The following CYP4A22 variants were observed in gnomAD, a reference collection of about 807,000 sequenced individuals.
CYP4A22 encodes cytochrome P450 family 4 subfamily A member 22.
In CYP4A22, 46 loss-of-function variants were observed where a neutral mutation model predicts 56.2. The observed-to-expected ratio is 0.82, with a 90% CI of 0.65 to 1.05. The LOEUF (loss-of-function observed/expected upper bound fraction) is 1.05. Ranked by LOEUF, CYP4A22 falls within the 50% of genes least tolerant of loss-of-function variation. The probability of loss-of-function intolerance (pLI) is 0.00; values close to 1 mark genes in which losing one functional copy is unlikely to be tolerated. For synonymous variants in CYP4A22, 193 were observed against 251.1 expected, an observed-to-expected ratio of 0.77 and a Z score of 2.19; for missense variants, 541 against 645.9, an observed-to-expected ratio of 0.84 and a Z score of 1.76.
At chr1:47,138,707 T>C (rs1161657372) in intron 1 of CYP4A22, among the ~76,000 whole-genome samples, 1 of 152,202 alleles carries the variant, frequency 6.6e-6, no homozygotes, top group Non-Finnish European at 1.5e-5. Context: ...TTTCTTCCAA[T>C]GTGGCCTAGG....
chr1:47,143,183 A>G, intron 4 of CYP4A22, 86 bp from the exon 5 acceptor site: 2 of 1,542,822 alleles, frequency 1.3e-6, no homozygotes, highest in Admixed American at 1.9e-5. Flanking sequence ...AAAAAACAAG[A>G]TATCTGCAGG....
Position 47,143,308 on chromosome 1 carries a change from G to A in CYP4A22, c.550G>A (p.Glu184Lys), listed in dbSNP as rs780889935. Residue 184 changes from glutamate (E) to lysine (K), a missense_variant, in exon 5 of 12, where the codon GAG (glutamate) becomes AAG (lysine). Physicochemically the swap from Glu to Lys is moderately conservative, Grantham distance 56 (BLOSUM62 1). Around this residue, in one of 3 missense-constraint regions of CYP4A22, gnomAD observed 335 missense variants for 361.2 expected, o/e 0.93. Transcript: ENST00000371891. ...EELLGQDSPL[E>K]VFQHVSLMTL... ...GCTCCTTGGCCAGGATTCCCCTCTG[G>A]AGGTCTTTCAGCACGTCTCCTTGAT... The A allele has an allele frequency of 1.9e-6, 3 of 1,613,864 alleles. No homozygotes were observed. In the East Asian group the frequency reaches 6.7e-5, roughly 36 times the overall value.
intron 6 of CYP4A22, 50 bp from the exon 7 acceptor site, chr1:47,144,307 G>A (rs1474960273): frequency 4.4e-6 from 7 of 1,593,924 alleles, no homozygotes; most frequent in Middle Eastern, 1.7e-4. Flanking sequence ...AGGCCTCCTG[G>A]GGGCTGCTGA....
At position 47,148,846 on chromosome 1, in the gene CYP4A22, G is replaced by A; in HGVS notation, c.*49G>A. On this transcript the variant is annotated 3_prime_UTR_variant, in exon 12 of 12. Transcript: ENST00000371891. ...TTCCTGACCCCCACTCCTATCTCCT[G>A]CCTGTCTGCCTCTGTCCTGCTTTCT... The A allele has an allele frequency of 6.5e-7, 1 of 1,548,854 alleles. No individual in the cohort carries two copies. The highest frequency in any genetic ancestry group is 1.3e-5 in the South Asian group (1 of 79,788).
chr1:47,140,911 G>A lies in CYP4A22; in HGVS notation c.327G>A (p.Leu109=). ...ACCCTGACTATATGAAGGTGATTCT[G>A]GGGAGATCAGGTGAGATCGAACCCC... The part of the protein sequence containing the change: ...LYDPDYMKVI[L]GRSDPKSHGS... Residue 109 remains leucine, a synonymous_variant, in exon 2 of 12, where the codon CTG becomes CTA. Transcript: ENST00000371891. 6.2e-7 allele frequency: 1 copy of A among 1,613,922 alleles called. No homozygotes were observed. The highest frequency in any genetic ancestry group is 8.5e-7 in the Non-Finnish European group (1 of 1,179,960).
chr1:47,145,018 TGGAG>T, intron 9 of CYP4A22, 48 bp downstream of exon 9: 4 of 1,606,630 alleles, frequency 2.5e-6, no homozygotes, highest in Non-Finnish European at 3.4e-6. Flanking sequence ...CGGGGACGTG[TGGAG>T]GGTGAGAAAT....
At position 47,144,930 on chromosome 1, in the gene CYP4A22, C is replaced by G. The variant is rs758456855; in HGVS notation, c.1182C>G (p.Ser394Arg). 6.2e-7 allele frequency: 1 copy of G among 1,614,186 alleles called. No individual in the cohort carries two copies. Among genetic ancestry groups the G allele is most frequent in the Non-Finnish European group, 8.5e-7 (1 of 1,180,024 alleles). Residue 394 changes from serine (S) to arginine (R), a missense_variant, in exon 9 of 12, where the codon AGC becomes AGG. Transcript: ENST00000371891. ...TGCCAGGCATTGGAAGAGAGCTCAG[C>G]ACTCCCGTCACCTTCCCTGATGGGC... ...PPVPGIGRELSTPVTFPDGRS... is the reference protein window; with the variant it reads ...PPVPGIGRELRTPVTFPDGRS...
intron 11 of CYP4A22, chr1:47,147,126 G>T: frequency 1.0e-6 from 1 of 985,410 alleles, no homozygotes; most frequent in Non-Finnish European, 1.2e-6. Flanking sequence ...TTTGTTCAAA[G>T]AAATAATTAT....
Position 47,137,646 on chromosome 1 carries a change from C to T in CYP4A22, c.161C>T (p.Pro54Leu), listed in dbSNP as rs144569653. ...LLKALQQFPC[P>L]PSHWLFGHIQ... ...AAAGCCCTCCAGCAGTTCCCGTGCC[C>T]TCCCTCCCACTGGCTCTTCGGGCAC... Residue 54 changes from proline (P) to leucine (L), a missense_variant, in exon 1 of 12, where the codon CCT (proline) becomes CTT (leucine). By Grantham distance (98) the Pro-to-Leu change is moderately conservative (BLOSUM62 -3). Coordinates refer to ENST00000371891, the MANE Select transcript of CYP4A22 (RefSeq NM_001010969.4). The T allele has an allele frequency of 3.1e-6, 5 of 1,613,370 alleles. No individual in the cohort carries two copies. In the African/African-American group the frequency reaches 5.3e-5, roughly 17 times the overall value.
In CYP4A22 at chr1:47,144,968, A is replaced by G. The variant is rs1234996955; in HGVS notation, c.1220A>G (p.Lys407Arg). ...VTFPDGRSLP[K>R]GIMVLLSIYG... ...TTCCCTGATGGGCGCTCCTTGCCCA[A>G]AGGTATGAAGTTTCCCCACCCTCTC... The change falls in exon 9 of 12, where the codon AAA becomes AGA. Residue 407 changes from lysine (K) to arginine (R), a missense_variant and splice_region_variant. By Grantham distance (26) the Lys-to-Arg change is conservative. Coordinates refer to ENST00000371891, the MANE Select transcript of CYP4A22 (RefSeq NM_001010969.4). 1 of 1,613,978 alleles carries G rather than the reference A, an allele frequency of 6.2e-7. No homozygotes were observed. The highest frequency in any genetic ancestry group is 1.3e-5 in the African/African-American group (1 of 74,932).
chr1:47,138,513 A>T (rs1249789491), intron 1 of CYP4A22, among the ~76,000 whole-genome samples: 11 of 152,332 alleles, frequency 7.2e-5, no homozygotes, highest in Non-Finnish European at 1.6e-4. Context: ...AGCTCAGGTG[A>T]ATAGAGCAAG....
intron 3 of CYP4A22, 39 bp downstream of exon 3, chr1:47,141,654 T>C (rs1430246632): frequency 1.7e-5 from 28 of 1,603,528 alleles, no homozygotes; most frequent in South Asian, 5.6e-5. Context: ...ACTCCCTAGT[T>C]AGGTTTGAGT....
intron 9 of CYP4A22, 109 bp downstream of exon 9, chr1:47,145,079 T>C (rs1361603792): frequency 6.7e-7 from 1 of 1,483,266 alleles, no homozygotes; most frequent in East Asian, 2.3e-5. Context: ...TCCCTTTTGT[T>C]CTAAAAACAT....
intron 3 of CYP4A22, among the ~76,000 whole-genome samples, 156 bp downstream of exon 3, chr1:47,141,771 C>G (rs1190163420): frequency 2.0e-5 from 3 of 152,218 alleles, no homozygotes; most frequent in Non-Finnish European, 4.4e-5. Flanking sequence ...TCACCCCTTC[C>G]TAATGCTGGT....
chr1:47,141,706 A>T (rs1462449224), intron 3 of CYP4A22, 91 bp downstream of exon 3: 51 of 1,496,842 alleles, frequency 3.4e-5, no homozygotes, highest in Non-Finnish European at 4.7e-5. Context: ...AGAGGCCACC[A>T]CTATCATGAC....
Position 47,140,878 on chromosome 1 carries a change from G to C in CYP4A22, c.294G>C (p.Gln98His). The C allele has an allele frequency of 6.2e-7, 1 of 1,614,138 alleles. No homozygotes were observed. The highest frequency in any genetic ancestry group is 8.5e-7 in the Non-Finnish European group (1 of 1,180,018). Residue 98 changes from glutamine to histidine, a missense_variant, in exon 2 of 12, where the codon CAG becomes CAC. This residue lies in a region of CYP4A22 where 335 missense variants were observed against 361.2 expected (regional missense o/e 0.93). Transcript: ENST00000371891. ...TATGGGGAGGCAAAGTTCGTGTCCA[G>C]CTCTATGACCCTGACTATATGAAGG... Reference protein sequence around the residue: ...YWIWGGKVRVQLYDPDYMKVI... With the variant: ...YWIWGGKVRVHLYDPDYMKVI...
At chr1:47,143,177 A>C (rs1287290655) in intron 4 of CYP4A22, 92 bp from the exon 5 acceptor site, 7 of 1,539,478 alleles carry the variant, frequency 4.5e-6, no homozygotes, top group Non-Finnish European at 6.1e-6. Flanking sequence ...TACAGGAAAA[A>C]ACAAGATATC....
intron 1 of CYP4A22, among the ~76,000 whole-genome samples, chr1:47,138,518 A>G (rs2148552519): frequency 6.6e-6 from 1 of 152,332 alleles, no homozygotes; most frequent in South Asian, 2.1e-4. Context: ...AGGTGAATAG[A>G]GCAAGCTTGT....
chr1:47,140,701 T>G lies in CYP4A22; in HGVS notation c.196-79T>G, dbSNP rs563727977. 6 of 1,578,382 alleles carry G rather than the reference T, an allele frequency of 3.8e-6. No homozygotes were observed. In the African/African-American group the frequency reaches 8.1e-5, roughly 21 times the overall value. On this transcript the variant is annotated intron_variant, in intron 1 of 11. Coordinates refer to ENST00000371891, the MANE Select transcript of CYP4A22 (RefSeq NM_001010969.4). ...TCCCTAACCCGTGCTACATGGCTCC[T>G]GTAGTTGTCCTGCCCTTCACTCCTG...
Sources: allele counts gnomAD v4.1 joint callset (sites outside exome capture counted in the v4.1 genomes callset), GRCh38; gene constraint gnomAD v4.1.1; regional missense constraint gnomAD v4.1.1; transcripts MANE v1.5; gene names NCBI Gene and HGNC (gene_info 2026-07-23, HGNC 2026-07-21).